Variants in PDE11A observed in about 807,000 individuals in gnomAD.
The protein encoded by PDE11A is dual 3',5'-cyclic-AMP and -GMP phosphodiesterase 11A.
Under a neutral mutation model 100.5 loss-of-function variants are expected in PDE11A, and 100 were observed. That is an observed-to-expected ratio of 1.00 (90% CI 0.85 to 1.18). The LOEUF (loss-of-function observed/expected upper bound fraction) is 1.18. Ranked by LOEUF, PDE11A falls within the 50% of genes most tolerant of loss-of-function variation. The pLI is 0.00. For missense variants in PDE11A, 1,141 were observed against 1,152.6 expected, an observed-to-expected ratio of 0.99 and a Z score of 0.15; for synonymous variants, 381 against 420.8, an observed-to-expected ratio of 0.91 and a Z score of 1.16.
intron 2 of PDE11A, among the ~76,000 whole-genome samples, chr2:177,950,786 C>T (rs1227533300): frequency 6.6e-6 from 1 of 152,182 alleles, no homozygotes; most frequent in East Asian, 1.9e-4. Flanking sequence ...TGGCAGGCGC[C>T]GATAGTCCCA....
At chr2:178,089,450 G>A (rs760559363) in intron 2 of PDE11A, among the ~76,000 whole-genome samples, 1 of 152,164 alleles carries the variant, frequency 6.6e-6, no homozygotes, top group African/African-American at 2.4e-5. Context: ...AAGAGGAAAC[G>A]CCAGGTGTAA....
chr2:177,677,733 T>A (rs2080800437), intron 16 of PDE11A: 1 of 152,128 alleles, frequency 6.6e-6, no homozygotes, highest in Admixed American at 6.5e-5. Context: ...AGAAAACAAA[T>A]GAGCAGTTCT....
intron 2 of PDE11A, among the ~76,000 whole-genome samples, chr2:178,087,981 C>T (rs10181412): frequency 0.11 from 16,605 of 151,926 alleles, 935 homozygotes; most frequent in Middle Eastern, 0.13. Flanking sequence ...AAATGAGAGA[C>T]CTGGCCCAAC....
intron 19 of PDE11A, among the ~76,000 whole-genome samples, chr2:177,640,033 G>A (rs528119498): frequency 8.5e-5 from 13 of 152,310 alleles, no homozygotes; most frequent in African/African-American, 2.9e-4. Context: ...GACAAAGAGA[G>A]AAGATGGTTT....
At chr2:177,826,362 T>C (rs2083225656) in intron 6 of PDE11A, among the ~76,000 whole-genome samples, 1 of 152,226 alleles carries the variant, frequency 6.6e-6, no homozygotes, top group Non-Finnish European at 1.5e-5. Flanking sequence ...ATGTTCAGTG[T>C]ATTTCCTTTC....
intron 9 of PDE11A, among the ~76,000 whole-genome samples, chr2:177,774,320 T>TC (rs1240152480): frequency 6.6e-5 from 10 of 152,218 alleles, no homozygotes; most frequent in Admixed American, 2.0e-4. Context: ...CATTTACTCC[T>TC]CAATATGCCT....
At chr2:177,701,353 A>C (rs1414924875) in intron 13 of PDE11A, 142 bp from the exon 14 acceptor site, 1 of 678,352 alleles carries the variant, frequency 1.5e-6, no homozygotes, top group Non-Finnish European at 2.7e-6. Context: ...TAGTCCATTC[A>C]TCTATGAAAT....
chr2:177,786,888 T>G (rs1256671925), intron 9 of PDE11A, among the ~76,000 whole-genome samples: 4 of 151,618 alleles, frequency 2.6e-5, no homozygotes, highest in Admixed American at 2.0e-4. Flanking sequence ...TGGGACTATG[T>G]GAAAAGACCA....
chr2:177,756,206 A>T (rs1258882226), intron 10 of PDE11A, among the ~76,000 whole-genome samples: 5 of 152,152 alleles, frequency 3.3e-5, no homozygotes, highest in Non-Finnish European at 1.5e-5. Flanking sequence ...ACACTAGAAT[A>T]GTGGGCCCCT....
intron 2 of PDE11A, among the ~76,000 whole-genome samples, chr2:178,102,670 C>T (rs1242101191): frequency 1.6e-5 from 2 of 128,820 alleles, no homozygotes. Flanking sequence ...GTAATCCTCC[C>T]ACCTCAGCCT....
intron 1 of PDE11A, among the ~76,000 whole-genome samples, chr2:178,022,970 T>C (rs2086432270): frequency 6.6e-6 from 1 of 152,274 alleles, no homozygotes; most frequent in East Asian, 1.9e-4. Flanking sequence ...ATCTTTTCCA[T>C]GCCTTTTATG....
chr2:177,990,004 T>C (rs568924412), intron 2 of PDE11A, among the ~76,000 whole-genome samples: 7 of 152,290 alleles, frequency 4.6e-5, no homozygotes, highest in South Asian at 2.1e-4. Flanking sequence ...TGAGAGAGAA[T>C]TGACTATGTG....
intron 2 of PDE11A, among the ~76,000 whole-genome samples, chr2:177,983,638 T>C (rs1374236142): frequency 6.6e-6 from 1 of 152,134 alleles, no homozygotes; most frequent in Non-Finnish European, 1.5e-5. Context: ...CAAACAAACA[T>C]AAATGCATGA....
At chr2:177,673,754 A>G (rs1349916796) in intron 17 of PDE11A, among the ~76,000 whole-genome samples, 2 of 152,216 alleles carry the variant, frequency 1.3e-5, no homozygotes, top group African/African-American at 4.8e-5. Flanking sequence ...TCTGGTAGTC[A>G]TGCATTCACT....
chr2:178,068,471 G>A (rs2087079439), intron 1 of PDE11A, among the ~76,000 whole-genome samples: 1 of 151,448 alleles, frequency 6.6e-6, no homozygotes, highest in South Asian at 2.1e-4. Flanking sequence ...ACCCCCAAGA[G>A]TATCATCAAT....
chr2:177,824,802 T>C (rs2083201441), intron 6 of PDE11A, among the ~76,000 whole-genome samples: 1 of 152,158 alleles, frequency 6.6e-6, no homozygotes, highest in East Asian at 1.9e-4. Flanking sequence ...TATAGAAGAA[T>C]AGTTACTCAT....
chr2:178,031,115 T>A (rs998717394), intron 1 of PDE11A, among the ~76,000 whole-genome samples: 28 of 152,154 alleles, frequency 1.8e-4, no homozygotes, highest in African/African-American at 6.8e-4. Context: ...TTAATAAAAC[T>A]CTGCATTCTC....
chr2:177,799,966 C>T (rs1006234309), intron 9 of PDE11A, among the ~76,000 whole-genome samples: 1 of 152,038 alleles, frequency 6.6e-6, no homozygotes. Context: ...TATATGAACA[C>T]AGTGGTAAAG....
intron 19 of PDE11A, among the ~76,000 whole-genome samples, chr2:177,637,625 T>C (rs12471621): frequency 0.62 from 91,860 of 149,310 alleles, 31,984 homozygotes; most frequent in Non-Finnish European, 0.75. Flanking sequence ...GTAGTGTCCT[T>C]CATGTGTCTT....
Sources: allele counts gnomAD v4.1 joint callset (sites outside exome capture counted in the v4.1 genomes callset), GRCh38; gene constraint gnomAD v4.1.1; transcripts MANE v1.5; gene names NCBI Gene and HGNC (gene_info 2026-07-23, HGNC 2026-07-21).